Variants in CUX2 observed in about 807,000 individuals in gnomAD.
CUX2 encodes the protein homeobox protein cut-like 2.
In CUX2, 40 loss-of-function variants were observed where a neutral mutation model predicts 144.8. The ratio of observed to expected loss-of-function variants is 0.28; its 90% CI spans 0.21 to 0.36. CUX2 has a LOEUF of 0.36. Ranked by LOEUF, CUX2 falls within the 10% of genes least tolerant of loss-of-function variation. The pLI, the probability that CUX2 is intolerant of heterozygous loss-of-function variation, is 1.00. For missense variants in CUX2, 1,615 were observed against 1,994.0 expected, an observed-to-expected ratio of 0.81 and a Z score of 3.62; for synonymous variants, 827 against 875.6, an observed-to-expected ratio of 0.94 and a Z score of 0.98.
At position 111,061,761 on chromosome 12, in the gene CUX2, T is replaced by G. The variant is rs112808282; in HGVS notation, c.63+27521T>G. Among the ~76,000 whole-genome samples the G allele has an allele frequency of 2.3e-4, 35 of 152,324 alleles. No homozygotes were observed. The highest frequency in any genetic ancestry group is 4.6e-4 in the Non-Finnish European group (31 of 68,034). On this transcript the variant is annotated intron_variant, in intron 1 of 21. Coordinates refer to ENST00000261726, the MANE Select transcript of CUX2 (RefSeq NM_015267.4). The surrounding 1 kb of genome is among the most constrained non-coding windows in gnomAD (Gnocchi z 4.2). ...TGGCCCTGGGTATCTCTGGGTTTTT[T>G]GTCGTTTTCTTTTTTCTGCTGTGAT...
chr12:111,100,320 G>T (rs1362392586), intron 1 of CUX2, among the ~76,000 whole-genome samples: 3 of 152,106 alleles, frequency 2.0e-5, no homozygotes, highest in African/African-American at 7.2e-5. Flanking sequence ...GTCTTTCTCT[G>T]CGTGTGTGGT....
At position 111,057,072 on chromosome 12, in the gene CUX2, G is replaced by T. The variant is rs1592853710; in HGVS notation, c.63+22832G>T. 6.6e-6 allele frequency among the ~76,000 whole-genome samples: 1 copy of T among 152,140 alleles called. No individual in the cohort carries two copies. The highest frequency in any genetic ancestry group is 2.1e-4 in the South Asian group (1 of 4,830). On this transcript the variant is annotated intron_variant, in intron 1 of 21. Transcript: ENST00000261726. The surrounding 1 kb of genome is among the most constrained non-coding windows in gnomAD (Gnocchi z 5.1). Reference sequence around the variant, plus strand: ...GTGTGACAGGAGATTGTGTGGGGGAGTGTGACAGGAAGTGGCCAAGTAGGG... The same window carrying T: ...GTGTGACAGGAGATTGTGTGGGGGATTGTGACAGGAAGTGGCCAAGTAGGG...
In CUX2 at chr12:111,263,490, T is replaced by C. The variant is rs1304607614; in HGVS notation, c.223-271T>C. On this transcript the variant is annotated intron_variant, in intron 3 of 21. Coordinates refer to ENST00000261726, the MANE Select transcript of CUX2 (RefSeq NM_015267.4). The surrounding 1 kb of genome is among the most constrained non-coding windows in gnomAD (Gnocchi z 4.0). ...GCATGGTGGCAGGCACCTGTAGTGG[T>C]AGCAGGCACCTGTAATCCCAGCTAC... 6.6e-6 allele frequency among the ~76,000 whole-genome samples: 1 copy of C among 152,036 alleles called. No homozygotes were observed. Among genetic ancestry groups the C allele is most frequent in the Non-Finnish European group, 1.5e-5 (1 of 68,014 alleles).
intron 18 of CUX2, among the ~76,000 whole-genome samples, chr12:111,330,001 T>C (rs953740080): frequency 1.4e-5 from 2 of 145,484 alleles, no homozygotes; most frequent in African/African-American, 5.6e-5. Context: ...GGCAGACACC[T>C]AGGACAGACT....
intron 1 of CUX2, among the ~76,000 whole-genome samples, chr12:111,204,911 A>T (rs1017708606): frequency 9.2e-5 from 14 of 152,160 alleles, no homozygotes; most frequent in African/African-American, 3.4e-4. Flanking sequence ...TTTGATCCGA[A>T]TGTGAACTGT....
chr12:111,179,587 C>T (rs1022025035), intron 1 of CUX2, among the ~76,000 whole-genome samples: 1 of 147,946 alleles, frequency 6.8e-6, no homozygotes, highest in Non-Finnish European at 1.5e-5. Flanking sequence ...TCTGAGCCAT[C>T]GCCGTGGTTG....
chr12:111,111,742 CA>C (rs1873973479), intron 1 of CUX2, among the ~76,000 whole-genome samples: 1 of 152,150 alleles, frequency 6.6e-6, no homozygotes, highest in Non-Finnish European at 1.5e-5. Context: ...TGTCAAATAA[CA>C]AGAAAACCCA....
rs1869361617 is a variant in CUX2 at position 111,035,051 on chromosome 12, T to C, written c.63+811T>C. ...GGCCCGGGCGCTCGCAAGTTTGCGC[T>C]CCTGCCTCCAGGGCGGTGGAGAGCC... On this transcript the variant is annotated intron_variant, in intron 1 of 21. Transcript: ENST00000261726. The surrounding 1 kb of genome is among the most constrained non-coding windows in gnomAD (Gnocchi z 6.0). 6.6e-6 allele frequency among the ~76,000 whole-genome samples: 1 copy of C among 152,154 alleles called. No homozygotes were observed. The highest frequency in any genetic ancestry group is 1.5e-5 in the Non-Finnish European group (1 of 67,978).
intron 18 of CUX2, among the ~76,000 whole-genome samples, chr12:111,332,915 A>G (rs748609166): frequency 6.6e-6 from 1 of 152,200 alleles, no homozygotes; most frequent in Non-Finnish European, 1.5e-5. Flanking sequence ...TAGATACAAT[A>G]TATAAATCTT....
At chr12:111,166,783 G>A (rs981169820) in intron 1 of CUX2, among the ~76,000 whole-genome samples, 2 of 152,172 alleles carry the variant, frequency 1.3e-5, no homozygotes, top group African/African-American at 4.8e-5. Context: ...CACTGCCCAG[G>A]ACCGAGAAGT....
chr12:111,175,511 A>G (rs1270788849), intron 1 of CUX2, among the ~76,000 whole-genome samples: 1 of 152,136 alleles, frequency 6.6e-6, no homozygotes, highest in Non-Finnish European at 1.5e-5. Flanking sequence ...TTTATAGAGC[A>G]GCACCCCATG....
chr12:111,284,477 C>G (rs1885275290), intron 4 of CUX2, among the ~76,000 whole-genome samples: 1 of 152,170 alleles, frequency 6.6e-6, no homozygotes, highest in Non-Finnish European at 1.5e-5. Flanking sequence ...TCTGGCCTCC[C>G]TGGGAATCAG....
intron 18 of CUX2, among the ~76,000 whole-genome samples, chr12:111,325,157 G>T (rs961815546): frequency 6.6e-6 from 1 of 151,890 alleles, no homozygotes; most frequent in African/African-American, 2.4e-5. Context: ...ATCCGGGCGT[G>T]GTGGCAGGCG....
At chr12:111,152,841 C>G (rs369032934) in intron 1 of CUX2, among the ~76,000 whole-genome samples, 1 of 152,280 alleles carries the variant, frequency 6.6e-6, no homozygotes, top group East Asian at 1.9e-4. Flanking sequence ...GGGGACAAGC[C>G]GCTCTAGATG....
intron 4 of CUX2, among the ~76,000 whole-genome samples, chr12:111,281,529 A>C (rs1885115391): frequency 6.6e-6 from 1 of 152,236 alleles, no homozygotes. Context: ...AGTCGGCTGC[A>C]CAAAGACAAG....
intron 4 of CUX2, among the ~76,000 whole-genome samples, chr12:111,264,608 G>C (rs751881576): frequency 6.6e-5 from 10 of 152,266 alleles, no homozygotes; most frequent in Admixed American, 6.5e-5. Flanking sequence ...AGCCAGGTGT[G>C]GTGGTGGGCA....
chr12:111,099,505 C>A, intron 1 of CUX2: 1 of 455,108 alleles, frequency 2.2e-6, no homozygotes, highest in South Asian at 1.6e-5. Context: ...GGTTTGCAGG[C>A]AGGGCAAGTT....
At chr12:111,156,843 GGC>G (rs376962086) in intron 1 of CUX2, among the ~76,000 whole-genome samples, 8 of 152,050 alleles carry the variant, frequency 5.3e-5, no homozygotes, top group African/African-American at 1.9e-4. Context: ...CAGGAGTGGT[GGC>G]GCATGCCTGT....
chr12:111,100,487 G>A (rs1052216768), intron 1 of CUX2, among the ~76,000 whole-genome samples: 3 of 152,116 alleles, frequency 2.0e-5, no homozygotes, highest in Middle Eastern at 6.8e-3. Flanking sequence ...TGTTTGTGCG[G>A]ATGTGTGTGT....
Sources: allele counts gnomAD v4.1 joint callset (sites outside exome capture counted in the v4.1 genomes callset), GRCh38; gene constraint gnomAD v4.1.1; non-coding constraint Gnocchi (gnomAD v3.1); transcripts MANE v1.5; gene names NCBI Gene and HGNC (gene_info 2026-07-23, HGNC 2026-07-21).